LRP1B: variants seen among roughly 807,000 people sequenced by gnomAD.
LRP1B encodes the protein low-density lipoprotein receptor-related protein 1B.
In LRP1B, 217 loss-of-function variants were observed where a neutral mutation model predicts 556.6. The ratio of observed to expected loss-of-function variants is 0.39; its 90% CI spans 0.35 to 0.44. LRP1B has a LOEUF of 0.44. LRP1B is among the 20% of genes least tolerant of loss of function. LRP1B has a pLI of 1.00. For missense variants in LRP1B, 5,053 were observed against 5,620.8 expected (o/e 0.90, Z 3.23); for synonymous variants, 2,047 against 1,865.8 (o/e 1.10, Z -2.50).
chr2:140,523,810 C>T (rs964499407), intron 49 of LRP1B, among the ~76,000 whole-genome samples: 1 of 151,792 alleles, frequency 6.6e-6, no homozygotes, highest in Non-Finnish European at 1.5e-5. Context: ...TTATCATATT[C>T]AAAAATTAAG....
At position 141,074,983 on chromosome 2, in the gene LRP1B, C is replaced by A. The variant is rs552034449; in HGVS notation, c.1014-12710G>T. ...CCAATTTTCATCTTTAATGACATTTCTTCAATATTCACTTGATTTTACCTA... is the reference window on the plus strand; with the variant it reads ...CCAATTTTCATCTTTAATGACATTTATTCAATATTCACTTGATTTTACCTA... On this transcript the variant is annotated intron_variant, in intron 7 of 90. Transcript: ENST00000389484. 2.6e-5 allele frequency among the ~76,000 whole-genome samples: 4 copies of A among 152,164 alleles called. No homozygotes were observed. The South Asian group carries it at 8.3e-4, about 32-fold the overall frequency.
At chr2:140,259,309 GAA>G (rs1681829246) in intron 86 of LRP1B, among the ~76,000 whole-genome samples, 1 of 152,186 alleles carries the variant, frequency 6.6e-6, no homozygotes, top group Admixed American at 6.5e-5. Context: ...AAGGCAAAGA[GAA>G]GAGAAAATGA....
intron 2 of LRP1B, among the ~76,000 whole-genome samples, chr2:141,629,167 C>G (rs1316568985): frequency 6.6e-6 from 1 of 152,092 alleles, no homozygotes; most frequent in South Asian, 2.1e-4. Flanking sequence ...GCAAGGTTTA[C>G]AGTTTGCTAA....
Position 141,032,849 on chromosome 2 carries a change from A to G in LRP1B, c.1790-12747T>C, listed in dbSNP as rs567340334. The stretch of plus-strand genomic sequence containing the variant: ...TACATATATATATATATGCAGGCAT[A>G]TGTGTGTGTGTGTTTTGCGTTGCAT... On this transcript the variant is annotated intron_variant, in intron 11 of 90. Coordinates refer to ENST00000389484, the MANE Select transcript of LRP1B (RefSeq NM_018557.3). 8.7e-5 allele frequency among the ~76,000 whole-genome samples: 13 copies of G among 149,908 alleles called. No individual in the cohort carries two copies. In the East Asian group the frequency reaches 2.2e-3, roughly 25 times the overall value.
chr2:141,599,045 TCCCCCCCGCCCCCCCCCCCC>T (rs1687631094), intron 2 of LRP1B, among the ~76,000 whole-genome samples: 1 of 28,966 alleles, frequency 3.5e-5, no homozygotes, highest in African/African-American at 9.6e-5. Flanking sequence ...TTTGTTCAAC[TCCCCCCCGCCCCCCCCCCCC>T]CCCCCCCCCG....
chr2:141,665,915 G>A (rs905999715), intron 2 of LRP1B, among the ~76,000 whole-genome samples: 6 of 151,942 alleles, frequency 3.9e-5, no homozygotes, highest in Admixed American at 2.0e-4. Context: ...CAATGAGAAC[G>A]ACACATGGAC....
In LRP1B at chr2:140,233,335, GAAAA is replaced by G. The variant is rs750586052; in HGVS notation, c.13660-13_13660-10del. ...TTGGAGTAATTTGTTGGCTGAAGGA[GAAAA>G]AAAATAAATATAATTTTATTACTGG... On this transcript the variant is annotated splice_polypyrimidine_tract_variant and intron_variant, in intron 90 of 90. Transcript: ENST00000389484. 1 of 1,552,984 alleles carries G rather than the reference GAAAA, an allele frequency of 6.4e-7. No homozygotes were observed. Among genetic ancestry groups the G allele is most frequent in the Non-Finnish European group, 8.7e-7 (1 of 1,149,702 alleles).
chr2:141,723,795 AT>A (rs1692929745), intron 2 of LRP1B, among the ~76,000 whole-genome samples: 1 of 151,894 alleles, frequency 6.6e-6, no homozygotes, highest in Non-Finnish European at 1.5e-5. Context: ...CTCTTCTCAA[AT>A]TATCATCACC....
chr2:140,683,857 G>A (rs766053554), intron 41 of LRP1B: 5 of 603,190 alleles, frequency 8.3e-6, no homozygotes, highest in Non-Finnish European at 1.2e-5. Flanking sequence ...AAACAGCTCC[G>A]CGGCCCCCTG....
In LRP1B at chr2:140,239,443, TTC is replaced by T; in HGVS notation, c.13412_13413del (p.Arg4471LysfsTer6). ...CTAATCTAGAACATTGCATCTTACCTTCTTTTTCTTTTACAAAGCACTAAACC... is the reference window on the plus strand; with the variant it reads ...CTAATCTAGAACATTGCATCTTACCTTTTTTCTTTTACAAAGCACTAAACC... Reference protein sequence around the residue: ...VIGLVLCKRKRRTKTIRRQPI... With the variant: ...VIGLVLCKRKXRTKTIRRQPI... On this transcript the variant is annotated frameshift_variant and splice_region_variant, in exon 88 of 91. Transcript: ENST00000389484. LOFTEE classifies it high-confidence loss of function. 6.3e-7 allele frequency: 1 copy of T among 1,580,972 alleles called. No homozygotes were observed. The highest frequency in any genetic ancestry group is 8.6e-7 in the Non-Finnish European group (1 of 1,157,056).
chr2:141,339,498 C>T (rs148205473), intron 3 of LRP1B, among the ~76,000 whole-genome samples: 1,782 of 152,232 alleles, frequency 0.012, 22 homozygotes, highest in Middle Eastern at 0.02. Flanking sequence ...TTAAACATCC[C>T]TCATTACCTC....
At chr2:141,328,919 C>T (rs909020374) in intron 3 of LRP1B, among the ~76,000 whole-genome samples, 3 of 152,106 alleles carry the variant, frequency 2.0e-5, no homozygotes, top group African/African-American at 7.2e-5. Flanking sequence ...TTACTATCTC[C>T]ATTACATATT....
At chr2:141,969,456 C>T (rs984936436) in intron 1 of LRP1B, among the ~76,000 whole-genome samples, 4 of 151,596 alleles carry the variant, frequency 2.6e-5, no homozygotes, top group African/African-American at 9.7e-5. Context: ...TTATTCTATT[C>T]TCTGGTTCTA....
At chr2:141,580,735 C>A (rs1254108413) in intron 2 of LRP1B, among the ~76,000 whole-genome samples, 10 of 152,178 alleles carry the variant, frequency 6.6e-5, no homozygotes, top group Admixed American at 6.5e-4. Flanking sequence ...CTGCACAAAG[C>A]ACAAAACTTC....
intron 2 of LRP1B, among the ~76,000 whole-genome samples, chr2:141,644,970 T>C (rs950564605): frequency 1.3e-5 from 2 of 152,096 alleles, no homozygotes; most frequent in African/African-American, 2.4e-5. Flanking sequence ...TAGGGAAACA[T>C]AGCCTTTGAG....
intron 1 of LRP1B, among the ~76,000 whole-genome samples, chr2:141,990,312 AAATG>A (rs1266946449): frequency 6.6e-6 from 1 of 152,084 alleles, no homozygotes; most frequent in Non-Finnish European, 1.5e-5. Flanking sequence ...AATACTCTAA[AAATG>A]AATGTTAAAT....
intron 11 of LRP1B, among the ~76,000 whole-genome samples, chr2:141,043,307 A>G (rs925313005): frequency 4.6e-5 from 7 of 151,854 alleles, no homozygotes; most frequent in Non-Finnish European, 8.8e-5. Context: ...AGAACTGTAC[A>G]TATAAATCTT....
At chr2:141,692,938 G>A (rs540440354) in intron 2 of LRP1B, among the ~76,000 whole-genome samples, 7 of 152,070 alleles carry the variant, frequency 4.6e-5, no homozygotes, top group African/African-American at 1.7e-4. Context: ...GCAGCACATG[G>A]CTGTACATAA....
At chr2:140,904,268 T>C (rs570868538) in intron 22 of LRP1B, among the ~76,000 whole-genome samples, 4 of 152,246 alleles carry the variant, frequency 2.6e-5, no homozygotes, top group African/African-American at 9.6e-5. Context: ...TAATTGTCTT[T>C]GAAACCACAT....
Sources: allele counts gnomAD v4.1 joint callset (sites outside exome capture counted in the v4.1 genomes callset), GRCh38; gene constraint gnomAD v4.1.1; transcripts MANE v1.5; gene names NCBI Gene and HGNC (gene_info 2026-07-23, HGNC 2026-07-21).